DPF3: variants seen among roughly 807,000 people sequenced by gnomAD.
The protein encoded by DPF3 is double PHD fingers 3, also known as zinc finger protein DPF3.
In DPF3, 18 loss-of-function variants were observed where a neutral mutation model predicts 56.8. That is an observed-to-expected ratio of 0.32 (90% CI 0.22 to 0.47). The LOEUF (loss-of-function observed/expected upper bound fraction) is 0.47, where lower values mean the gene tolerates loss of function less well. DPF3 is among the 20% of genes least tolerant of loss of function. The pLI, the probability that DPF3 is intolerant of heterozygous loss-of-function variation, is 1.00. For missense variants in DPF3, 403 were observed against 488.8 expected, an observed-to-expected ratio of 0.82 and a Z score of 1.65; for synonymous variants, 188 against 180.2, an observed-to-expected ratio of 1.04 and a Z score of -0.35.
intron 3 of DPF3, among the ~76,000 whole-genome samples, chr14:72,735,744 C>T (rs1889864798): frequency 1.3e-5 from 2 of 152,190 alleles, no homozygotes; most frequent in African/African-American, 4.8e-5. Flanking sequence ...AGTAAAGGGA[C>T]CATGGGCTAG....
intron 3 of DPF3, among the ~76,000 whole-genome samples, chr14:72,742,128 C>T (rs915825562): frequency 6.6e-6 from 1 of 152,220 alleles, no homozygotes; most frequent in African/African-American, 2.4e-5. Flanking sequence ...GGGCTGCACG[C>T]CCTGCCCACC....
chr14:72,868,499 C>T (rs899848654), intron 1 of DPF3, among the ~76,000 whole-genome samples: 1 of 152,216 alleles, frequency 6.6e-6, no homozygotes, highest in African/African-American at 2.4e-5. Context: ...TGGCCTCACC[C>T]CTAGGGATTT....
Position 72,629,839 on chromosome 14 carries a change from A to G in DPF3, c.872-103T>C, listed in dbSNP as rs567153730. The G allele has an allele frequency of 4.6e-4, 451 of 980,490 alleles. 5 individuals are homozygous for G. The South Asian group carries it at 6.2e-3, about 13-fold the overall frequency. 60.7% of individuals were successfully genotyped at this position (980,490 alleles called of 1,614,324 possible). ...TTGATGCCCAGTGTGCAGGCAGGGC[A>G]GGGTAGCATGACGTAGGGAAAAAAA... On this transcript the variant is annotated intron_variant, in intron 8 of 10. Coordinates refer to ENST00000556509, the MANE Select transcript of DPF3 (RefSeq NM_001280542.3).
At chr14:72,754,418 A>G (rs1364812478) in intron 2 of DPF3, among the ~76,000 whole-genome samples, 2 of 152,240 alleles carry the variant, frequency 1.3e-5, no homozygotes, top group Non-Finnish European at 2.9e-5. Context: ...TTCTTGTCAG[A>G]AGCCCCAGAA....
intron 7 of DPF3, among the ~76,000 whole-genome samples, chr14:72,678,063 T>C (rs952825165): frequency 2.6e-5 from 4 of 152,218 alleles, no homozygotes; most frequent in Non-Finnish European, 5.9e-5. Context: ...TGTTATTTCA[T>C]TGATTCTTGC....
chr14:72,817,729 T>G (rs889868390), intron 1 of DPF3, among the ~76,000 whole-genome samples: 3 of 152,092 alleles, frequency 2.0e-5, no homozygotes, highest in Admixed American at 6.5e-5. Context: ...AAATCCAGAT[T>G]ATATAGATGA....
rs61996612 is a variant in DPF3, at chr14:72,614,759, C to G, written c.*4538G>C. ...AATAATAATAATAATAATCTGTTGCCCAGGATCACAAGCCTCAGAAAAAAA... is the reference window on the plus strand; with the variant it reads ...AATAATAATAATAATAATCTGTTGCGCAGGATCACAAGCCTCAGAAAAAAA... On this transcript the variant is annotated 3_prime_UTR_variant, in exon 11 of 11. Transcript: ENST00000556509. 0.19 allele frequency among the ~76,000 whole-genome samples: 26,779 copies of G among 139,168 alleles called. 3,069 individuals are homozygous for G. The highest frequency in any genetic ancestry group is 0.31 in the African/African-American group (10,903 of 35,154). The allele number at this position is 139,168 out of a possible 152,430, so 91.3% of individuals were successfully genotyped here.
At chr14:72,851,601 C>T (rs1020348816) in intron 1 of DPF3, among the ~76,000 whole-genome samples, 1 of 152,232 alleles carries the variant, frequency 6.6e-6, no homozygotes, top group African/African-American at 2.4e-5. Context: ...TATAACTACT[C>T]TTGCTCCTAC....
intron 9 of DPF3, among the ~76,000 whole-genome samples, chr14:72,622,731 A>G (rs1567179184): frequency 6.6e-6 from 1 of 151,912 alleles, no homozygotes. Context: ...CTCACTACCA[A>G]CTATCCAGGA....
At chr14:72,801,407 G>C (rs1892885932) in intron 1 of DPF3, among the ~76,000 whole-genome samples, 1 of 152,188 alleles carries the variant, frequency 6.6e-6, no homozygotes, top group South Asian at 2.1e-4. Context: ...CCAGGACAAG[G>C]CCTGTCCCTC....
chr14:72,823,627 C>A (rs1436829243), intron 1 of DPF3, among the ~76,000 whole-genome samples: 1 of 152,130 alleles, frequency 6.6e-6, no homozygotes, highest in East Asian at 1.9e-4. Context: ...CGATCCTGCT[C>A]CCCAAGACTA....
chr14:72,782,471 C>T (rs1034159870), intron 1 of DPF3, among the ~76,000 whole-genome samples: 2 of 152,176 alleles, frequency 1.3e-5, no homozygotes, highest in Admixed American at 1.3e-4. Flanking sequence ...GCAGTCAGCC[C>T]GTCTCAGTCT....
At chr14:72,678,637 C>T (rs571212086) in intron 7 of DPF3, among the ~76,000 whole-genome samples, 1 of 152,304 alleles carries the variant, frequency 6.6e-6, no homozygotes, top group African/African-American at 2.4e-5. Flanking sequence ...CTCGCCCAGA[C>T]CTTGTAAGTG....
chr14:72,694,127 G>GCT (rs2153573148), intron 6 of DPF3, among the ~76,000 whole-genome samples: 1 of 152,346 alleles, frequency 6.6e-6, no homozygotes, highest in South Asian at 2.1e-4. Context: ...TTCCTGGGAA[G>GCT]CAGAAGTCTG....
chr14:72,726,143 G>C (rs758687266), intron 4 of DPF3, among the ~76,000 whole-genome samples: 2 of 152,172 alleles, frequency 1.3e-5, no homozygotes, highest in African/African-American at 4.8e-5. Flanking sequence ...GCAGCCTTTG[G>C]GGCAAAGACA....
At chr14:72,679,089 G>T (rs528386445) in intron 7 of DPF3, 3 of 152,328 alleles carry the variant, frequency 2.0e-5, no homozygotes, top group African/African-American at 4.8e-5. Flanking sequence ...CAGGATTTTT[G>T]AGTTAAATCA....
At chr14:72,850,829 G>A (rs190112058) in intron 1 of DPF3, among the ~76,000 whole-genome samples, 44 of 152,274 alleles carry the variant, frequency 2.9e-4, no homozygotes, top group South Asian at 1.0e-3. Context: ...GTGCGCACGC[G>A]CATGTGTGTA....
At chr14:72,844,254 TAAG>T (rs1441073961) in intron 1 of DPF3, among the ~76,000 whole-genome samples, 1 of 152,186 alleles carries the variant, frequency 6.6e-6, no homozygotes, top group Non-Finnish European at 1.5e-5. Context: ...ATCTGGACAT[TAAG>T]ACTAAAATGC....
rs1038754740 is a variant in DPF3, at chr14:72,819,248, G to T, written c.33-47355C>A. Among the ~76,000 whole-genome samples the T allele has an allele frequency of 7.9e-5, 12 of 152,326 alleles. No individual in the cohort carries two copies. In the South Asian group the frequency reaches 1.5e-3, roughly 18 times the overall value. ...CCAAAAGCACAGCCACTGCTGACGG[G>T]AATATGCAATGGTGCAACCACTTTA... On this transcript the variant is annotated intron_variant, in intron 1 of 10. Transcript: ENST00000556509.
Sources: allele counts gnomAD v4.1 joint callset (sites outside exome capture counted in the v4.1 genomes callset), GRCh38; gene constraint gnomAD v4.1.1; transcripts MANE v1.5; gene names NCBI Gene and HGNC (gene_info 2026-07-23, HGNC 2026-07-21).